Variants in MNAT1 observed in about 807,000 individuals in gnomAD.
MNAT1 encodes CDK-activating kinase assembly factor MAT1.
Under a neutral mutation model 42.0 loss-of-function variants are expected in MNAT1, and 43 were observed. The observed-to-expected ratio is 1.02, with a 90% CI of 0.80 to 1.32. The LOEUF is 1.32. MNAT1 is among the 40% of genes most tolerant of loss of function. The pLI is 0.00. For missense variants in MNAT1, 306 were observed against 350.4 expected (o/e 0.87, Z 1.01); for synonymous variants, 118 against 120.0 (o/e 0.98, Z 0.11).
chr14:60,739,186 T>C (rs9672053), intron 1 of MNAT1, among the ~76,000 whole-genome samples: 2 of 152,094 alleles, frequency 1.3e-5, no homozygotes, highest in Admixed American at 6.5e-5. Flanking sequence ...GAGAGATGGA[T>C]GGGAGAAGAG....
In MNAT1 at chr14:60,884,326, T is replaced by C. The variant is rs148313645; in HGVS notation, c.809+4491T>C. Among the ~76,000 whole-genome samples the C allele has an allele frequency of 2.6e-5, 4 of 152,148 alleles. No homozygotes were observed. The East Asian group carries it at 5.8e-4, about 22-fold the overall frequency. On this transcript the variant is annotated intron_variant, in intron 7 of 7. Coordinates refer to ENST00000261245, the MANE Select transcript of MNAT1 (RefSeq NM_002431.4). ...CTCAGCATCAGTTGAAGTGATCATATGGTTTGGTCCTCACTCTGTTGATAT... is the reference window on the plus strand; with the variant it reads ...CTCAGCATCAGTTGAAGTGATCATACGGTTTGGTCCTCACTCTGTTGATAT...
At chr14:60,885,532 C>T (rs2034646895) in intron 7 of MNAT1, among the ~76,000 whole-genome samples, 1 of 151,906 alleles carries the variant, frequency 6.6e-6, no homozygotes, top group African/African-American at 2.4e-5. Context: ...TTTTCATACA[C>T]CTTTTGGCCA....
intron 1 of MNAT1, among the ~76,000 whole-genome samples, chr14:60,753,392 A>G (rs1322480234): frequency 2.0e-5 from 3 of 152,234 alleles, no homozygotes; most frequent in Admixed American, 6.5e-5. Context: ...CCCCATGTAT[A>G]TGGAGGGCTG....
intron 1 of MNAT1, among the ~76,000 whole-genome samples, chr14:60,779,511 G>A (rs2031370834): frequency 6.6e-6 from 1 of 152,122 alleles, no homozygotes; most frequent in African/African-American, 2.4e-5. Flanking sequence ...GTTTCCGGCT[G>A]GGCGCGGTGG....
chr14:60,870,125 A>T (rs2034297026), intron 6 of MNAT1, among the ~76,000 whole-genome samples: 1 of 152,158 alleles, frequency 6.6e-6, no homozygotes, highest in South Asian at 2.1e-4. Flanking sequence ...TGTTCTTCCA[A>T]TGTTCCTATG....
chr14:60,759,534 A>C (rs2030507466), intron 1 of MNAT1, among the ~76,000 whole-genome samples: 1 of 152,240 alleles, frequency 6.6e-6, no homozygotes, highest in South Asian at 2.1e-4. Context: ...CATATTCTCA[A>C]CAGCATGGAG....
At chr14:60,840,142 G>A (rs753024041) in intron 6 of MNAT1, among the ~76,000 whole-genome samples, 1 of 152,166 alleles carries the variant, frequency 6.6e-6, no homozygotes, top group East Asian at 1.9e-4. Flanking sequence ...TTTCTTTTAC[G>A]TGTTTCTTTA....
intron 1 of MNAT1, among the ~76,000 whole-genome samples, chr14:60,748,763 G>A (rs2029941527): frequency 6.6e-6 from 1 of 152,042 alleles, no homozygotes; most frequent in East Asian, 1.9e-4. Context: ...GATCTGCTGA[G>A]GCTGTTTCAC....
chr14:60,926,093 G>C (rs2035758117), intron 7 of MNAT1, among the ~76,000 whole-genome samples: 1 of 152,094 alleles, frequency 6.6e-6, no homozygotes, highest in Non-Finnish European at 1.5e-5. Flanking sequence ...ATCCCTAGTA[G>C]TTAAAAGGTC....
intron 6 of MNAT1, among the ~76,000 whole-genome samples, chr14:60,853,136 A>G (rs1445072578): frequency 6.6e-6 from 1 of 152,158 alleles, no homozygotes; most frequent in Non-Finnish European, 1.5e-5. Context: ...TTCTTTGGGC[A>G]ATATGGCCTT....
chr14:60,865,173 TTCTA>T (rs1285475193), intron 6 of MNAT1, among the ~76,000 whole-genome samples: 1 of 152,074 alleles, frequency 6.6e-6, no homozygotes, highest in Non-Finnish European at 1.5e-5. Flanking sequence ...GTAAAGAAAC[TTCTA>T]TCTTTTCACG....
intron 1 of MNAT1, among the ~76,000 whole-genome samples, chr14:60,763,107 T>TA (rs139789698): frequency 0.013 from 1,996 of 152,290 alleles, 44 homozygotes; most frequent in African/African-American, 0.046. Flanking sequence ...TTTCTCCAGT[T>TA]AAACTAAATT....
intron 7 of MNAT1, among the ~76,000 whole-genome samples, chr14:60,914,238 C>G (rs938801266): frequency 2.0e-5 from 3 of 152,182 alleles, no homozygotes; most frequent in Non-Finnish European, 4.4e-5. Flanking sequence ...CTTTCTTTGA[C>G]TAGGAAAGGG....
chr14:60,902,473 T>A (rs1289037271), intron 7 of MNAT1, among the ~76,000 whole-genome samples: 2 of 152,206 alleles, frequency 1.3e-5, no homozygotes, highest in African/African-American at 4.8e-5. Flanking sequence ...TATACATTTA[T>A]ACTTTGAAGT....
chr14:60,911,533 T>C (rs2035363900), intron 7 of MNAT1, among the ~76,000 whole-genome samples: 1 of 152,214 alleles, frequency 6.6e-6, no homozygotes, highest in Admixed American at 6.5e-5. Flanking sequence ...GTCTTTGTTC[T>C]CGTTGGTTTC....
intron 6 of MNAT1, among the ~76,000 whole-genome samples, chr14:60,844,981 T>C (rs1200568873): frequency 6.6e-6 from 1 of 152,086 alleles, no homozygotes; most frequent in Non-Finnish European, 1.5e-5. Context: ...TTATGATATA[T>C]GTGAATTCAA....
chr14:60,838,805 C>G (rs895736543), intron 6 of MNAT1, among the ~76,000 whole-genome samples: 1 of 152,162 alleles, frequency 6.6e-6, no homozygotes, highest in African/African-American at 2.4e-5. Flanking sequence ...GCGCCTGCTC[C>G]TGCTGCCTGG....
At chr14:60,933,031 A>G (rs1319614628) in intron 7 of MNAT1, among the ~76,000 whole-genome samples, 2 of 152,036 alleles carry the variant, frequency 1.3e-5, no homozygotes, top group Non-Finnish European at 2.9e-5. Context: ...AACCCTAGGC[A>G]GGTAACCTAC....
At chr14:60,939,928 C>T (rs2036104171) in intron 7 of MNAT1, among the ~76,000 whole-genome samples, 1 of 152,116 alleles carries the variant, frequency 6.6e-6, no homozygotes, top group Non-Finnish European at 1.5e-5. Flanking sequence ...GTATTGGGTG[C>T]ATATATATTT....
Sources: allele counts gnomAD v4.1 joint callset (sites outside exome capture counted in the v4.1 genomes callset), GRCh38; gene constraint gnomAD v4.1.1; transcripts MANE v1.5; gene names NCBI Gene and HGNC (gene_info 2026-07-23, HGNC 2026-07-21).